LRMDA: variants seen among roughly 807,000 people sequenced by gnomAD.
The protein encoded by LRMDA is leucine rich melanocyte differentiation associated, also known as leucine-rich melanocyte differentiation-associated protein.
Under a neutral mutation model 29.8 loss-of-function variants are expected in LRMDA, and 18 were observed. The observed-to-expected ratio is 0.60, with a 90% confidence interval of 0.42 to 0.90. The LOEUF (loss-of-function observed/expected upper bound fraction) is 0.90, where lower values mean the gene tolerates loss of function less well. LRMDA is among the 40% of genes least tolerant of loss of function. LRMDA has a pLI of 0.00. For missense variants in LRMDA, 273 were observed against 273.9 expected (o/e 1.00, Z 0.02); for synonymous variants, 125 against 109.4 (o/e 1.14, Z -0.89).
intron 2 of LRMDA, among the ~76,000 whole-genome samples, chr10:75,441,770 T>C (rs931102818): frequency 1.5e-5 from 2 of 136,538 alleles, no homozygotes; most frequent in Admixed American, 1.4e-4. Flanking sequence ...TTCTTTCTTT[T>C]TTTTTTTCCT....
At chr10:75,759,597 G>C (rs1249211829) in intron 2 of LRMDA, among the ~76,000 whole-genome samples, 1 of 152,078 alleles carries the variant, frequency 6.6e-6, no homozygotes, top group African/African-American at 2.4e-5. Context: ...AAGGAGAGGA[G>C]GAGTGCTAAT....
At chr10:75,511,772 A>C (rs1484829050) in intron 2 of LRMDA, among the ~76,000 whole-genome samples, 1 of 152,182 alleles carries the variant, frequency 6.6e-6, no homozygotes, top group African/African-American at 2.4e-5. Context: ...TTCCCTTCAT[A>C]TGAGGCACTT....
chr10:75,858,153 G>T (rs913755834), intron 2 of LRMDA, among the ~76,000 whole-genome samples: 1 of 152,106 alleles, frequency 6.6e-6, no homozygotes, highest in African/African-American at 2.4e-5. Context: ...AGGCCCCCCC[G>T]TACCAGCCCA....
At chr10:76,383,376 T>A (rs1841616556) in intron 6 of LRMDA, among the ~76,000 whole-genome samples, 1 of 150,924 alleles carries the variant, frequency 6.6e-6, no homozygotes, top group African/African-American at 2.4e-5. Flanking sequence ...CCAGACACAG[T>A]GGTTACCTTT....
intron 5 of LRMDA, among the ~76,000 whole-genome samples, chr10:76,295,136 T>A (rs1257415724): frequency 1.3e-5 from 2 of 152,200 alleles, no homozygotes; most frequent in South Asian, 2.1e-4. Flanking sequence ...AGGAGAAACC[T>A]AGGACTATGG....
chr10:75,521,746 C>T (rs1010717782), intron 2 of LRMDA, among the ~76,000 whole-genome samples: 3 of 152,246 alleles, frequency 2.0e-5, no homozygotes, highest in African/African-American at 7.2e-5. Context: ...ATGAGATGAA[C>T]CAGGTACCTC....
At chr10:75,509,632 A>T (rs1438920767) in intron 2 of LRMDA, among the ~76,000 whole-genome samples, 2 of 152,200 alleles carry the variant, frequency 1.3e-5, no homozygotes, top group Non-Finnish European at 2.9e-5. Context: ...CAGAACCGGG[A>T]CTAGCATCCA....
At chr10:76,291,984 G>T (rs999073160) in intron 5 of LRMDA, among the ~76,000 whole-genome samples, 3 of 151,712 alleles carry the variant, frequency 2.0e-5, no homozygotes, top group Non-Finnish European at 4.4e-5. Flanking sequence ...GCATACAGTT[G>T]CTTAAAGAAG....
At chr10:76,413,122 C>T (rs1841980183) in intron 6 of LRMDA, among the ~76,000 whole-genome samples, 1 of 152,096 alleles carries the variant, frequency 6.6e-6, no homozygotes, top group South Asian at 2.1e-4. Context: ...TTCTCTTCTT[C>T]TCACATCCCT....
At chr10:76,450,935 C>T (rs1353297338) in intron 6 of LRMDA, among the ~76,000 whole-genome samples, 1 of 152,084 alleles carries the variant, frequency 6.6e-6, no homozygotes, top group Non-Finnish European at 1.5e-5. Context: ...CAAATATATC[C>T]TCCTCATCTG....
chr10:75,796,849 G>A (rs911311286), intron 2 of LRMDA, among the ~76,000 whole-genome samples: 1 of 152,230 alleles, frequency 6.6e-6, no homozygotes, highest in Non-Finnish European at 1.5e-5. Flanking sequence ...ACAGGCATGA[G>A]CCACTGTGCC....
rs538089886 is a variant in LRMDA, at chr10:75,774,264, A to G, written c.132-261744A>G. ...ATTACATTTTTATTTTTAAGTTCTT[A>G]CATCCTTTTTGTTTCTCTTAATGTC... On this transcript the variant is annotated intron_variant, in intron 2 of 6. Coordinates refer to ENST00000611255, the MANE Select transcript of LRMDA (RefSeq NM_001305581.2). 1.1e-3 allele frequency among the ~76,000 whole-genome samples: 172 copies of G among 152,286 alleles called. 1 individual carries two copies. The highest frequency in any genetic ancestry group is 3.9e-3 in the African/African-American group (160 of 41,556).
chr10:76,396,802 A>G (rs1012836177), intron 6 of LRMDA, among the ~76,000 whole-genome samples: 4 of 152,208 alleles, frequency 2.6e-5, no homozygotes, highest in African/African-American at 7.2e-5. Flanking sequence ...TTCCTCTCCA[A>G]ATGGACTGTC....
chr10:75,605,600 G>T (rs1368329960), intron 2 of LRMDA, among the ~76,000 whole-genome samples: 1 of 152,176 alleles, frequency 6.6e-6, no homozygotes, highest in African/African-American at 2.4e-5. Context: ...CATCCTTTCT[G>T]GGCACATTCT....
intron 5 of LRMDA, among the ~76,000 whole-genome samples, chr10:76,294,886 G>C (rs576759443): frequency 8.4e-4 from 128 of 152,284 alleles, no homozygotes; most frequent in African/African-American, 2.6e-3. Context: ...TGGAGGCTTT[G>C]GGTCACATTG....
At chr10:76,439,950 T>C (rs970720120) in intron 6 of LRMDA, among the ~76,000 whole-genome samples, 15 of 152,126 alleles carry the variant, frequency 9.9e-5, no homozygotes, top group African/African-American at 3.6e-4. Flanking sequence ...CTTGGGGAAG[T>C]CTTTAAAAAT....
intron 2 of LRMDA, among the ~76,000 whole-genome samples, chr10:75,549,152 T>A (rs1840113532): frequency 6.6e-6 from 1 of 152,150 alleles, no homozygotes; most frequent in Non-Finnish European, 1.5e-5. Context: ...TACTAGCTTG[T>A]TTCTTTTTAT....
rs774542680 is a variant in LRMDA, at chr10:76,497,191, CT to C, written c.602-60010del. 1.9e-4 allele frequency among the ~76,000 whole-genome samples: 14 copies of C among 75,210 alleles called. 4 individuals are homozygous for C. Among genetic ancestry groups the C allele is most frequent in the Admixed American group, 8.7e-4 (7 of 8,058 alleles). 49.3% of individuals were successfully genotyped at this position (75,210 alleles called of 152,430 possible). On this transcript the variant is annotated intron_variant, in intron 6 of 6. Transcript: ENST00000611255. ...GGAGATGTGCTTCCATGGCTTTCATCTTTTTTTTCCCCTCTTTTAAAAGATA... is the reference window on the plus strand; with the variant it reads ...GGAGATGTGCTTCCATGGCTTTCATCTTTTTTTCCCCTCTTTTAAAAGATA...
intron 2 of LRMDA, among the ~76,000 whole-genome samples, chr10:75,751,647 A>G (rs900857196): frequency 3.3e-5 from 5 of 152,134 alleles, no homozygotes; most frequent in Non-Finnish European, 5.9e-5. Context: ...GGCTATTGCT[A>G]TGGTCCTCAC....
Sources: gnomAD v4.1 joint callset for allele counts (sites outside exome capture counted in the v4.1 genomes callset) on GRCh38, gnomAD v4.1.1 for gene constraint, MANE v1.5 for transcripts, NCBI Gene and HGNC (gene_info 2026-07-23, HGNC 2026-07-21) for gene names.